Variants in INTS13 observed in about 807,000 individuals in gnomAD.
INTS13 encodes asunder, spermatogenesis regulator homolog (Drosphila).
INTS13 carries 35 observed loss-of-function variants against 90.2 expected under a neutral mutation model. The observed-to-expected ratio is 0.39, with a 90% confidence interval of 0.30 to 0.51. INTS13 has a LOEUF of 0.51. Among genes scored for constraint, INTS13 ranks in the 20% least tolerant of loss-of-function variants. The pLI is 0.80. For missense variants in INTS13, 601 were observed against 851.2 expected, an observed-to-expected ratio of 0.71 and a Z score of 3.66; for synonymous variants, 309 against 277.1, an observed-to-expected ratio of 1.11 and a Z score of -1.14.
chr12:26,929,500 T>G (rs1303517451), intron 3 of INTS13, among the ~76,000 whole-genome samples: 1 of 151,882 alleles, frequency 6.6e-6, no homozygotes, highest in Non-Finnish European at 1.5e-5. Flanking sequence ...GCAGGACAAT[T>G]GCTCGAGGCC....
chr12:26,910,882 C>G (rs1007298821), intron 15 of INTS13, among the ~76,000 whole-genome samples: 1 of 152,038 alleles, frequency 6.6e-6, no homozygotes, highest in Non-Finnish European at 1.5e-5. Flanking sequence ...GTCGCCCAGG[C>G]TGAAGTGCAA....
chr12:26,922,995 G>A (rs1386299911), intron 7 of INTS13, among the ~76,000 whole-genome samples: 2 of 151,912 alleles, frequency 1.3e-5, no homozygotes, highest in Non-Finnish European at 2.9e-5. Flanking sequence ...TCCAAATGCA[G>A]TCTTGCCAAT....
intron 8 of INTS13, among the ~76,000 whole-genome samples, chr12:26,922,014 C>A (rs1024478721): frequency 1.3e-5 from 2 of 152,238 alleles, no homozygotes; most frequent in Admixed American, 6.5e-5. Flanking sequence ...AAGTTTTACA[C>A]TGCATGCTGT....
chr12:26,908,026 G>A (rs191641293), intron 15 of INTS13, among the ~76,000 whole-genome samples: 218 of 152,172 alleles, frequency 1.4e-3, no homozygotes, highest in Non-Finnish European at 2.0e-3. Flanking sequence ...AAAATAAGCT[G>A]GCAGTTTCTT....
chr12:26,917,924 C>T (rs1281472759), intron 8 of INTS13, among the ~76,000 whole-genome samples, 191 bp from the exon 9 acceptor site: 1 of 151,906 alleles, frequency 6.6e-6, no homozygotes, highest in Non-Finnish European at 1.5e-5. Flanking sequence ...GAGTTCAAGA[C>T]CAGCCTGACC....
chr12:26,922,282 A>G (rs1164879613), intron 8 of INTS13, among the ~76,000 whole-genome samples: 1 of 152,214 alleles, frequency 6.6e-6, no homozygotes, highest in Non-Finnish European at 1.5e-5. Flanking sequence ...TCATCCCAAA[A>G]ACGATGAGTA....
At chr12:26,937,714 T>C (rs1270477880) in intron 1 of INTS13, 82 bp downstream of exon 1, 1 of 152,464 alleles carries the variant, frequency 6.6e-6, no homozygotes, top group African/African-American at 2.4e-5. Context: ...AGAAACCTTC[T>C]AGACCCACTT....
chr12:26,919,227 G>A (rs1952035772), intron 8 of INTS13, among the ~76,000 whole-genome samples: 1 of 151,812 alleles, frequency 6.6e-6, no homozygotes, highest in African/African-American at 2.4e-5. Context: ...AGACTATTCA[G>A]GCAAAAGAAC....
At chr12:26,907,083 A>G (rs1255280359) in intron 15 of INTS13, among the ~76,000 whole-genome samples, 1 of 152,216 alleles carries the variant, frequency 6.6e-6, no homozygotes, top group African/African-American at 2.4e-5. Flanking sequence ...AGGCTTTTCT[A>G]ATTATAATAG....
intron 8 of INTS13, among the ~76,000 whole-genome samples, chr12:26,921,115 T>C (rs2137488138): frequency 6.6e-6 from 1 of 152,366 alleles, no homozygotes; most frequent in East Asian, 1.9e-4. Flanking sequence ...CTTTCATTCA[T>C]AAGCATGCAA....
At chr12:26,905,650 G>T in intron 16 of INTS13, 114 bp from the exon 17 acceptor site, 1 of 1,037,924 alleles carries the variant, frequency 9.6e-7, no homozygotes, top group African/African-American at 1.6e-5. Context: ...CAGAACATCA[G>T]CATTTTAGGA....
intron 8 of INTS13, among the ~76,000 whole-genome samples, chr12:26,918,653 G>A (rs1952013009): frequency 6.6e-6 from 1 of 152,156 alleles, no homozygotes; most frequent in Non-Finnish European, 1.5e-5. Context: ...AGTTTAGTTA[G>A]AAGAAACACA....
intron 5 of INTS13, among the ~76,000 whole-genome samples, chr12:26,927,283 C>A (rs2137529841): frequency 6.6e-6 from 1 of 152,324 alleles, no homozygotes; most frequent in South Asian, 2.1e-4. Context: ...AGATTTGTGT[C>A]TAAGTGGGTT....
At chr12:26,917,604 C>G in intron 9 of INTS13, 40 bp downstream of exon 9, 1 of 1,554,402 alleles carries the variant, frequency 6.4e-7, no homozygotes, top group Admixed American at 1.7e-5. Context: ...CCTTAAGAAC[C>G]TTTTGATTTC....
chr12:26,932,625 C>T (rs926903652), intron 3 of INTS13, among the ~76,000 whole-genome samples: 13 of 152,206 alleles, frequency 8.5e-5, no homozygotes, highest in African/African-American at 3.1e-4. Context: ...TCTATCTGTG[C>T]TGTCCAATAC....
chr12:26,913,401 G>A, intron 14 of INTS13, 56 bp downstream of exon 14: 2 of 1,283,362 alleles, frequency 1.6e-6, no homozygotes, highest in Non-Finnish European at 2.3e-6. Context: ...AGTGTTCTAT[G>A]CAGAATGTGA....
At chr12:26,913,287 C>T (rs1225958811) in intron 14 of INTS13, among the ~76,000 whole-genome samples, 170 bp downstream of exon 14, 1 of 151,732 alleles carries the variant, frequency 6.6e-6, no homozygotes, top group Non-Finnish European at 1.5e-5. Context: ...TTTTTTGTGC[C>T]CAAGAAAGAT....
intron 6 of INTS13, among the ~76,000 whole-genome samples, chr12:26,925,093 A>G (rs1357827512): frequency 6.6e-6 from 1 of 152,176 alleles, no homozygotes; most frequent in East Asian, 1.9e-4. Flanking sequence ...AGTTAATAAA[A>G]AAGAGGCTTA....
intron 16 of INTS13, among the ~76,000 whole-genome samples, chr12:26,905,972 T>C (rs1343659712): frequency 6.6e-6 from 1 of 152,208 alleles, no homozygotes; most frequent in Non-Finnish European, 1.5e-5. Flanking sequence ...ATATTCTTAA[T>C]ATTGTATTCC....
Sources: allele counts gnomAD v4.1 joint callset (sites outside exome capture counted in the v4.1 genomes callset), GRCh38; gene constraint gnomAD v4.1.1; transcripts MANE v1.5; gene names NCBI Gene and HGNC (gene_info 2026-07-23, HGNC 2026-07-21).